The following SLF1 variants were observed in gnomAD, a reference collection of about 807,000 sequenced individuals.
The protein encoded by SLF1 is SMC5-SMC6 complex localization factor protein 1.
Under a neutral mutation model 123.0 loss-of-function variants are expected in SLF1, and 105 were observed. That is an observed-to-expected ratio of 0.85 (90% CI 0.73 to 1.00). The LOEUF (loss-of-function observed/expected upper bound fraction) is 1.00, where lower values mean the gene tolerates loss of function less well. SLF1 is among the 50% of genes least tolerant of loss of function. The probability of loss-of-function intolerance (pLI) is 0.00; values close to 1 mark genes in which losing one functional copy is unlikely to be tolerated. For synonymous variants in SLF1, 434 were observed against 406.6 expected, an observed-to-expected ratio of 1.07 and a Z score of -0.81; for missense variants, 1,239 against 1,223.0, an observed-to-expected ratio of 1.01 and a Z score of -0.20.
intron 15 of SLF1, among the ~76,000 whole-genome samples, chr5:94,682,132 G>C (rs1458365270): frequency 1.3e-5 from 2 of 152,240 alleles, no homozygotes; most frequent in Admixed American, 1.3e-4. Context: ...CTAAAGTTTT[G>C]AATGTTAGTG....
chr5:94,634,539 T>C (rs1271310412), intron 4 of SLF1, among the ~76,000 whole-genome samples: 3 of 152,230 alleles, frequency 2.0e-5, no homozygotes, highest in Admixed American at 6.5e-5. Context: ...TATTATTCTA[T>C]TTGTGTATAT....
intron 15 of SLF1, among the ~76,000 whole-genome samples, chr5:94,685,210 C>T (rs1752276673): frequency 6.6e-6 from 1 of 152,176 alleles, no homozygotes; most frequent in Non-Finnish European, 1.5e-5. Context: ...GAATTCCACC[C>T]CTGAATAGAG....
intron 4 of SLF1, among the ~76,000 whole-genome samples, chr5:94,635,146 T>G (rs1176666411): frequency 2.0e-5 from 3 of 152,114 alleles, no homozygotes; most frequent in Non-Finnish European, 4.4e-5. Context: ...CGTGTTTTTT[T>G]CTAATAGTTT....
chr5:94,684,238 A>T (rs930188141), intron 15 of SLF1, among the ~76,000 whole-genome samples: 5 of 152,192 alleles, frequency 3.3e-5, no homozygotes, highest in Admixed American at 2.6e-4. Flanking sequence ...CTCTGTGATG[A>T]TAGATAGGCT....
At position 94,695,376 on chromosome 5, in the gene SLF1, A is replaced by G; in HGVS notation, c.*64A>G. The G allele has an allele frequency of 1.4e-6, 2 of 1,470,996 alleles. No individual in the cohort carries two copies. The highest frequency in any genetic ancestry group is 2.3e-5 in the Admixed American group (1 of 42,586). 91.1% of individuals were successfully genotyped at this position (1,470,996 alleles called of 1,614,324 possible). ...CAGTTTGCATTGGTACTTACTGTGG[A>G]CTTCATAGCTTACTGACAGATAGTA... On this transcript the variant is annotated 3_prime_UTR_variant, in exon 21 of 21. Coordinates refer to ENST00000265140, the MANE Select transcript of SLF1 (RefSeq NM_032290.4).
intron 10 of SLF1, 28 bp downstream of exon 10, chr5:94,662,379 TG>T: frequency 1.3e-6 from 2 of 1,514,380 alleles, no homozygotes; most frequent in Admixed American, 2.1e-5. Context: ...GCATTGGTGA[TG>T]GGGGCAAAGA....
At chr5:94,649,862 A>T (rs528738205) in intron 6 of SLF1, among the ~76,000 whole-genome samples, 1 of 152,192 alleles carries the variant, frequency 6.6e-6, no homozygotes, top group Non-Finnish European at 1.5e-5. Context: ...TTATGTAATT[A>T]CCATGTTTAG....
chr5:94,671,687 A>G (rs1404954432), intron 14 of SLF1, among the ~76,000 whole-genome samples: 1 of 139,154 alleles, frequency 7.2e-6, no homozygotes, highest in East Asian at 2.0e-4. Flanking sequence ...TATCTTCTTG[A>G]ATCTTTTTTT....
Position 94,649,474 on chromosome 5 carries a change from A to G in SLF1, c.615A>G (p.Glu205=), listed in dbSNP as rs1275593184. The change falls in exon 6 of 21, where the codon GAA becomes GAG. Residue 205 remains glutamate, a synonymous_variant. Coordinates refer to ENST00000265140, the MANE Select transcript of SLF1 (RefSeq NM_032290.4). The part of the protein sequence containing the change: ...FLLEKEIQND[E]DSQTNSVWTE... ...TACAGAAAGAAATTCAGAATGATGA[A>G]GATTCCCAAACCAATTCTGTTTGGA... 3 of 1,498,366 alleles carry G rather than the reference A, an allele frequency of 2.0e-6. No homozygotes were observed. The highest frequency in any genetic ancestry group is 2.6e-5 in the South Asian group (2 of 77,286). The allele number at this position is 1,498,366 out of a possible 1,614,324, so 92.8% of individuals were successfully genotyped here.
At chr5:94,661,221 G>GCT (rs1749063437) in intron 9 of SLF1, among the ~76,000 whole-genome samples, 1 of 152,162 alleles carries the variant, frequency 6.6e-6, no homozygotes, top group African/African-American at 2.4e-5. Flanking sequence ...GGACTAAGGG[G>GCT]CTCTCCAGTT....
At chr5:94,666,492 A>G (rs2152488258) in intron 12 of SLF1, among the ~76,000 whole-genome samples, 1 of 152,306 alleles carries the variant, frequency 6.6e-6, no homozygotes, top group South Asian at 2.1e-4. Context: ...ATGCTTCTGC[A>G]CATGCTGTCA....
rs1753551521 is a variant in SLF1, at chr5:94,697,130, A to G, written c.*1818A>G. The G allele has an allele frequency of 1.3e-5, 2 of 151,932 alleles. No homozygotes were observed. The highest frequency in any genetic ancestry group is 1.9e-4 in the East Asian group (1 of 5,132). 9.4% of individuals were successfully genotyped at this position (151,932 alleles called of 1,614,324 possible). ...TCATAATTGACTGCTCTGTCTGCCA[A>G]CTTCTACAAGCAGTGATGACATGAA... On this transcript the variant is annotated 3_prime_UTR_variant, in exon 21 of 21. Transcript: ENST00000265140.
intron 9 of SLF1, among the ~76,000 whole-genome samples, chr5:94,657,232 G>A (rs1407594543): frequency 6.6e-6 from 1 of 151,570 alleles, no homozygotes; most frequent in Admixed American, 6.6e-5. Flanking sequence ...TATAGGTTTT[G>A]GTATGTTGTG....
chr5:94,640,060 T>C (rs551454590), intron 4 of SLF1, among the ~76,000 whole-genome samples: 1 of 152,378 alleles, frequency 6.6e-6, no homozygotes, highest in Non-Finnish European at 1.5e-5. Context: ...GAAATGTATC[T>C]TCAGTATTTG....
intron 1 of SLF1, among the ~76,000 whole-genome samples, chr5:94,627,911 C>A (rs1744719051): frequency 6.6e-6 from 1 of 151,568 alleles, no homozygotes; most frequent in African/African-American, 2.4e-5. Flanking sequence ...CTCATGGCAA[C>A]CTCTGCCTCC....
chr5:94,628,125 C>T (rs568696574), intron 1 of SLF1, among the ~76,000 whole-genome samples: 56 of 151,964 alleles, frequency 3.7e-4, no homozygotes, highest in Non-Finnish European at 6.2e-4. Context: ...GCCACCGCTC[C>T]TGGCCAACAA....
At chr5:94,675,900 GT>G (rs1269411821) in intron 14 of SLF1, among the ~76,000 whole-genome samples, 2 of 130,994 alleles carry the variant, frequency 1.5e-5, no homozygotes, top group African/African-American at 6.0e-5. Context: ...GTCCCAACTG[GT>G]TGATTTTTTT....
intron 5 of SLF1, among the ~76,000 whole-genome samples, chr5:94,646,635 T>C (rs113195581): frequency 2.2e-3 from 342 of 152,310 alleles, no homozygotes; most frequent in African/African-American, 7.6e-3. Flanking sequence ...TGAAAACTTA[T>C]CTTGACTACT....
chr5:94,619,038 C>T (rs1480491512), intron 1 of SLF1, among the ~76,000 whole-genome samples: 2 of 152,132 alleles, frequency 1.3e-5, no homozygotes, highest in African/African-American at 4.8e-5. Flanking sequence ...CACCGAGCGC[C>T]CCTCTGCAGT....
Sources: gnomAD v4.1 joint callset for allele counts (sites outside exome capture counted in the v4.1 genomes callset) on GRCh38, gnomAD v4.1.1 for gene constraint, MANE v1.5 for transcripts, NCBI Gene and HGNC (gene_info 2026-07-23, HGNC 2026-07-21) for gene names.